The following PACRG variants were observed in gnomAD, a reference collection of about 807,000 sequenced individuals.
PACRG encodes the protein parkin coregulated gene protein.
A neutral mutation model predicts 29.7 loss-of-function variants in PACRG; 29 were observed. The observed-to-expected ratio is 0.98, with a 90% CI of 0.73 to 1.33. The LOEUF (loss-of-function observed/expected upper bound fraction) is 1.33, where lower values mean the gene tolerates loss of function less well. PACRG is among the 40% of genes most tolerant of loss of function. PACRG has a pLI of 0.00. For synonymous variants in PACRG, 116 were observed against 118.7 expected (o/e 0.98, Z 0.15); for missense variants, 279 against 316.2 (o/e 0.88, Z 0.89).
At chr6:162,882,211 A>G (rs34686598) in intron 2 of PACRG, among the ~76,000 whole-genome samples, 14,529 of 147,424 alleles carry the variant, frequency 0.099, 914 homozygotes, top group African/African-American at 0.17. Flanking sequence ...ACTCTCCACC[A>G]AGACCAGAGA....
chr6:163,285,738 G>A (rs1230112264), intron 4 of PACRG, among the ~76,000 whole-genome samples: 4 of 152,212 alleles, frequency 2.6e-5, no homozygotes, highest in African/African-American at 9.6e-5. Flanking sequence ...GTGTCATAAG[G>A]AGCAGAGCTG....
chr6:163,289,377 A>G (rs1784504488), intron 4 of PACRG, among the ~76,000 whole-genome samples: 1 of 152,188 alleles, frequency 6.6e-6, no homozygotes, highest in African/African-American at 2.4e-5. Flanking sequence ...ACTTAGGGAC[A>G]TTATAGGTTA....
At chr6:162,937,895 TA>T (rs1798348543) in intron 2 of PACRG, among the ~76,000 whole-genome samples, 1 of 148,594 alleles carries the variant, frequency 6.7e-6, no homozygotes, top group African/African-American at 2.6e-5. Flanking sequence ...AGTCATTTTT[TA>T]ATTTTTTTTT....
At chr6:162,728,779 A>T (rs1779497806) in intron 1 of PACRG, among the ~76,000 whole-genome samples, 1 of 152,220 alleles carries the variant, frequency 6.6e-6, no homozygotes, top group Non-Finnish European at 1.5e-5. Flanking sequence ...AAAATTTAAC[A>T]TGAGCTGATA....
intron 4 of PACRG, among the ~76,000 whole-genome samples, chr6:163,109,228 A>G (rs948163016): frequency 3.9e-5 from 6 of 152,210 alleles, no homozygotes; most frequent in African/African-American, 1.4e-4. Flanking sequence ...TCAATAATTT[A>G]TTTCCCTTGC....
intron 2 of PACRG, among the ~76,000 whole-genome samples, chr6:162,910,438 A>G (rs1166191113): frequency 6.6e-6 from 1 of 152,208 alleles, no homozygotes; most frequent in South Asian, 2.1e-4. Flanking sequence ...AACATGAACC[A>G]TGTAGCTTTG....
chr6:162,755,637 A>G (rs964334922), intron 1 of PACRG, among the ~76,000 whole-genome samples: 1 of 152,176 alleles, frequency 6.6e-6, no homozygotes, highest in African/African-American at 2.4e-5. Flanking sequence ...GGGTTTCACC[A>G]TGTTGGTCAG....
intron 2 of PACRG, among the ~76,000 whole-genome samples, chr6:163,041,292 G>A (rs767358668): frequency 3.3e-5 from 5 of 152,010 alleles, no homozygotes; most frequent in South Asian, 2.1e-4. Context: ...AACCGAGATC[G>A]TGCCACTGCA....
At chr6:163,257,465 C>T (rs780922724) in intron 4 of PACRG, among the ~76,000 whole-genome samples, 40 of 152,138 alleles carry the variant, frequency 2.6e-4, no homozygotes, top group Admixed American at 2.2e-3. Flanking sequence ...CAGAAGGAGC[C>T]GTTATTCAGA....
chr6:163,246,972 A>G (rs1782721887), intron 4 of PACRG, among the ~76,000 whole-genome samples: 1 of 152,244 alleles, frequency 6.6e-6, no homozygotes, highest in Non-Finnish European at 1.5e-5. Flanking sequence ...TGTCCTCAGC[A>G]GTATTTGTAA....
At chr6:162,874,152 ATAT>A (rs759021244) in intron 2 of PACRG, among the ~76,000 whole-genome samples, 193 of 76,486 alleles carry the variant, frequency 2.5e-3, no homozygotes, top group African/African-American at 8.0e-3. Context: ...AAAAAAAAAA[ATAT>A]ATATATATAT....
At chr6:163,207,932 G>T (rs961210533) in intron 4 of PACRG, among the ~76,000 whole-genome samples, 1 of 152,190 alleles carries the variant, frequency 6.6e-6, no homozygotes. Flanking sequence ...TCAATCTGTG[G>T]ATACCATATG....
At chr6:162,922,122 G>A (rs1797105812) in intron 2 of PACRG, among the ~76,000 whole-genome samples, 1 of 151,770 alleles carries the variant, frequency 6.6e-6, no homozygotes, top group Non-Finnish European at 1.5e-5. Flanking sequence ...GGCCGGTGTT[G>A]GATATGAATT....
chr6:162,861,079 G>A (rs529157556), intron 2 of PACRG, among the ~76,000 whole-genome samples: 1 of 152,274 alleles, frequency 6.6e-6, no homozygotes, highest in South Asian at 2.1e-4. Context: ...TTCTCATGAA[G>A]GCTGTGCGCT....
intron 2 of PACRG, among the ~76,000 whole-genome samples, chr6:162,821,963 G>C (rs1787881216): frequency 6.6e-6 from 1 of 152,124 alleles, no homozygotes; most frequent in Non-Finnish European, 1.5e-5. Context: ...AGTAGTCAAA[G>C]TATCATCCTC....
chr6:162,916,618 G>T (rs547550283), intron 2 of PACRG, among the ~76,000 whole-genome samples: 79 of 151,842 alleles, frequency 5.2e-4, no homozygotes, highest in Middle Eastern at 6.8e-3. Flanking sequence ...ATGTTCTATT[G>T]TGATGCATTA....
chr6:163,081,367 G>T (rs1813056241), intron 3 of PACRG, among the ~76,000 whole-genome samples: 1 of 152,118 alleles, frequency 6.6e-6, no homozygotes, highest in Admixed American at 6.6e-5. Context: ...TTGCTTAATG[G>T]CTACAGAGTT....
At chr6:163,087,289 C>T (rs1031516202) in intron 3 of PACRG, among the ~76,000 whole-genome samples, 1 of 151,192 alleles carries the variant, frequency 6.6e-6, no homozygotes, top group Non-Finnish European at 1.5e-5. Flanking sequence ...AGACCAGGAC[C>T]AGAGGAGAGG....
At chr6:163,021,806 A>G (rs1167351137) in intron 2 of PACRG, among the ~76,000 whole-genome samples, 1 of 152,132 alleles carries the variant, frequency 6.6e-6, no homozygotes, top group Non-Finnish European at 1.5e-5. Flanking sequence ...TTTGCCTGGG[A>G]TGCCCTTCCT....
Sources: gnomAD v4.1 joint callset for allele counts (sites outside exome capture counted in the v4.1 genomes callset) on GRCh38, gnomAD v4.1.1 for gene constraint, MANE v1.5 for transcripts, NCBI Gene and HGNC (gene_info 2026-07-23, HGNC 2026-07-21) for gene names.